The following ERBB4 variants were observed in gnomAD, a reference collection of about 807,000 sequenced individuals.
ERBB4 encodes receptor tyrosine-protein kinase erbB-4.
Under a neutral mutation model 158.0 loss-of-function variants are expected in ERBB4, and 42 were observed. The observed-to-expected ratio is 0.27, with a 90% CI of 0.21 to 0.34. ERBB4 has a LOEUF of 0.34. Among genes scored for constraint, ERBB4 ranks in the 10% least tolerant of loss-of-function variants. The pLI is 1.00. For synonymous variants in ERBB4, 583 were observed against 558.7 expected, an observed-to-expected ratio of 1.04 and a Z score of -0.61; for missense variants, 1,333 against 1,624.1, an observed-to-expected ratio of 0.82 and a Z score of 3.08.
intron 7 of ERBB4, among the ~76,000 whole-genome samples, chr2:211,718,124 C>G (rs1310670046): frequency 6.6e-6 from 1 of 152,072 alleles, no homozygotes; most frequent in East Asian, 1.9e-4. Flanking sequence ...GTTGGCCAGG[C>G]TGGTCTCAAA....
At chr2:212,533,990 C>T (rs1332953068) in intron 1 of ERBB4, among the ~76,000 whole-genome samples, 1 of 152,114 alleles carries the variant, frequency 6.6e-6, no homozygotes, top group Admixed American at 6.6e-5. Flanking sequence ...TTAAACAGAG[C>T]AAGTACCAAC....
intron 2 of ERBB4, among the ~76,000 whole-genome samples, chr2:212,095,946 G>GAAAAAAAAAAAA (rs35084866): frequency 8.5e-5 from 11 of 130,118 alleles, no homozygotes; most frequent in South Asian, 4.8e-4. Context: ...AAAAAAAAAA[G>GAAAAAAAAAAAA]AAAAAAAAAA....
intron 3 of ERBB4, among the ~76,000 whole-genome samples, chr2:211,889,607 C>T (rs373269017): frequency 0.12 from 17,051 of 141,636 alleles, 1,470 homozygotes; most frequent in African/African-American, 0.24. Context: ...CAAATTACTC[C>T]GAGCTACGGG....
intron 1 of ERBB4, among the ~76,000 whole-genome samples, chr2:212,229,059 A>G (rs1167498272): frequency 1.3e-5 from 2 of 152,222 alleles, no homozygotes. Flanking sequence ...ACATATCAGT[A>G]TGGATTCATG....
At position 212,449,072 on chromosome 2, in the gene ERBB4, T is replaced by A. The variant is rs138099187; in HGVS notation, c.82+89377A>T. 9.7e-3 allele frequency among the ~76,000 whole-genome samples: 1,476 copies of A among 152,310 alleles called. 24 individuals carry two copies. The highest frequency in any genetic ancestry group is 0.034 in the African/African-American group (1,415 of 41,578). On this transcript the variant is annotated intron_variant, in intron 1 of 27. Coordinates refer to ENST00000342788, the MANE Select transcript of ERBB4 (RefSeq NM_005235.3). Reference sequence around the variant, plus strand: ...TGTGTGTTTTGTTGCTTGTTTCTTTTAATAGAAGTGTGGCTTCTATCATTC... The same window carrying A: ...TGTGTGTTTTGTTGCTTGTTTCTTTAAATAGAAGTGTGGCTTCTATCATTC...
chr2:211,992,717 A>T (rs2082109390), intron 2 of ERBB4, among the ~76,000 whole-genome samples: 1 of 152,120 alleles, frequency 6.6e-6, no homozygotes, highest in Non-Finnish European at 1.5e-5. Flanking sequence ...AATTGTGGAC[A>T]CCGCATGTAC....
chr2:212,239,238 T>C (rs1030781592), intron 1 of ERBB4, among the ~76,000 whole-genome samples: 22 of 152,122 alleles, frequency 1.4e-4, no homozygotes, highest in African/African-American at 5.1e-4. Context: ...AGGCAGGATC[T>C]TGCTATGTTG....
In ERBB4 at chr2:211,662,120, T is replaced by C. The variant is rs146490051; in HGVS notation, c.1871+3203A>G. ...TGTGACATTTAATAATATAAAATCA[T>C]TATTCTAATATCAACAAAAACATGC... On this transcript the variant is annotated intron_variant, in intron 15 of 27. Coordinates refer to ENST00000342788, the MANE Select transcript of ERBB4 (RefSeq NM_005235.3). Among the ~76,000 whole-genome samples, 255 of 135,816 alleles carry C rather than the reference T, an allele frequency of 1.9e-3. 1 individual carries two copies. The highest frequency in any genetic ancestry group is 6.3e-3 in the African/African-American group (237 of 37,450). 89.1% of individuals were successfully genotyped at this position (135,816 alleles called of 152,430 possible). A position where few individuals can be genotyped will look rare whatever the true frequency, so the allele number is the denominator to read the frequency against.
intron 1 of ERBB4, among the ~76,000 whole-genome samples, chr2:212,126,662 G>A (rs1207045548): frequency 6.6e-6 from 1 of 151,954 alleles, no homozygotes; most frequent in Non-Finnish European, 1.5e-5. Context: ...AGTTACATAA[G>A]ATATACTGAA....
intron 20 of ERBB4, among the ~76,000 whole-genome samples, chr2:211,477,613 A>G (rs1046626308): frequency 1.1e-4 from 17 of 152,072 alleles, no homozygotes; most frequent in Admixed American, 5.9e-4. Flanking sequence ...GTATTAAACT[A>G]TGCATATGTT....
chr2:211,403,159 G>A (rs935948872), intron 25 of ERBB4, among the ~76,000 whole-genome samples: 6 of 151,862 alleles, frequency 4.0e-5, no homozygotes, highest in Non-Finnish European at 7.4e-5. Context: ...TTCCAACCTC[G>A]CTGTTTCTGA....
Position 211,681,881 on chromosome 2 carries a change from A to C in ERBB4, c.1490-2697T>G, listed in dbSNP as rs530937556. The stretch of plus-strand genomic sequence containing the variant: ...CATACTTTTGACATCATATCTAAAA[A>C]GTTTTTGGTGTGTCCAACCCAGGTT... On this transcript the variant is annotated intron_variant, in intron 12 of 27. Transcript: ENST00000342788. Among the ~76,000 whole-genome samples the C allele has an allele frequency of 2.6e-5, 4 of 152,094 alleles. No homozygotes were observed. In the South Asian group the frequency reaches 8.3e-4, roughly 32 times the overall value.
intron 1 of ERBB4, among the ~76,000 whole-genome samples, chr2:212,260,752 G>T (rs1338658583): frequency 3.3e-5 from 5 of 151,976 alleles, no homozygotes; most frequent in Non-Finnish European, 7.4e-5. Flanking sequence ...GACGGAGCTT[G>T]CAGTGAGCCG....
In ERBB4 at chr2:211,383,061, AGGACAGAAACTGCTG is replaced by A. The variant is rs2062601301; in HGVS notation, c.*539_*553del. On this transcript the variant is annotated 3_prime_UTR_variant, in exon 28 of 28. Transcript: ENST00000342788. ...GTTGAGTTGGCCATTCTTACTTGCT[AGGACAGAAACTGCTG>A]GGGAAAGAAACTGGATTCTCAATTT... The A allele has an allele frequency of 8.6e-6, 2 of 232,730 alleles. No homozygotes were observed. Among genetic ancestry groups the A allele is most frequent in the African/African-American group, 4.4e-5 (2 of 45,328 alleles). 14.4% of individuals were successfully genotyped at this position (232,730 alleles called of 1,614,324 possible). A position where few individuals can be genotyped will look rare whatever the true frequency, so the allele number is the denominator to read the frequency against.
chr2:212,259,019 G>C (rs746811851), intron 1 of ERBB4, among the ~76,000 whole-genome samples: 46 of 152,066 alleles, frequency 3.0e-4, no homozygotes, highest in Non-Finnish European at 3.8e-4. Context: ...TTGACTTATG[G>C]ATGGACCAAT....
chr2:211,791,403 C>G (rs1424283333), intron 3 of ERBB4, among the ~76,000 whole-genome samples: 1 of 151,710 alleles, frequency 6.6e-6, no homozygotes, highest in East Asian at 1.9e-4. Context: ...AGTTTCCCCC[C>G]ACTAACATGA....
At chr2:212,050,055 G>GA (rs926169670) in intron 2 of ERBB4, among the ~76,000 whole-genome samples, 1 of 151,372 alleles carries the variant, frequency 6.6e-6, no homozygotes, top group African/African-American at 2.4e-5. Context: ...GTTACCTTTT[G>GA]AAAAAAAATG....
intron 20 of ERBB4, among the ~76,000 whole-genome samples, chr2:211,443,688 A>G (rs560955227): frequency 1.3e-5 from 2 of 152,156 alleles, no homozygotes; most frequent in South Asian, 4.1e-4. Context: ...GACTTCCCAA[A>G]CTTCATTATC....
intron 1 of ERBB4, among the ~76,000 whole-genome samples, chr2:212,135,515 T>C (rs2080245650): frequency 6.6e-6 from 1 of 152,208 alleles, no homozygotes; most frequent in Admixed American, 6.5e-5. Flanking sequence ...TGTTTCCCTG[T>C]CTTCAAATAT....
Sources: allele counts gnomAD v4.1 joint callset (sites outside exome capture counted in the v4.1 genomes callset), GRCh38; gene constraint gnomAD v4.1.1; transcripts MANE v1.5; gene names NCBI Gene and HGNC (gene_info 2026-07-23, HGNC 2026-07-21).